The following SUPT3H variants were observed in gnomAD, a reference collection of about 807,000 sequenced individuals.
SUPT3H encodes transcription initiation protein SPT3 homolog.
Under a neutral mutation model 44.3 loss-of-function variants are expected in SUPT3H, and 44 were observed. The observed-to-expected ratio is 0.99, with a 90% CI of 0.78 to 1.28. The LOEUF is 1.28. Among genes scored for constraint, SUPT3H ranks in the 50% most tolerant of loss-of-function variants. SUPT3H has a pLI of 0.00. For synonymous variants in SUPT3H, 124 were observed against 125.6 expected, an observed-to-expected ratio of 0.99 and a Z score of 0.09; for missense variants, 380 against 387.1, an observed-to-expected ratio of 0.98 and a Z score of 0.15.
intron 2 of SUPT3H, among the ~76,000 whole-genome samples, chr6:45,175,618 T>C (rs926382314): frequency 6.6e-6 from 1 of 152,146 alleles, no homozygotes; most frequent in African/African-American, 2.4e-5. Flanking sequence ...GCAGCAGTAC[T>C]CATGAGTTTA....
chr6:45,079,170 C>A (rs547956570), intron 3 of SUPT3H, among the ~76,000 whole-genome samples: 1 of 151,952 alleles, frequency 6.6e-6, no homozygotes, highest in South Asian at 2.1e-4. Context: ...ATTAGCCAGG[C>A]GTGGCAGCAC....
intron 9 of SUPT3H, among the ~76,000 whole-genome samples, chr6:44,941,724 TACA>T (rs1772470827): frequency 1.3e-5 from 2 of 152,324 alleles, no homozygotes; most frequent in African/African-American, 4.8e-5. Flanking sequence ...TGTCCAAGGC[TACA>T]ACAATAGTAT....
chr6:45,147,024 T>G (rs1806189105), intron 2 of SUPT3H, among the ~76,000 whole-genome samples: 1 of 152,122 alleles, frequency 6.6e-6, no homozygotes, highest in African/African-American at 2.4e-5. Context: ...TCTAGACACT[T>G]TACCAGTAAC....
At chr6:45,362,250 T>A (rs1794388415) in intron 2 of SUPT3H, among the ~76,000 whole-genome samples, 1 of 152,164 alleles carries the variant, frequency 6.6e-6, no homozygotes. Context: ...AGTGAAACCA[T>A]TCCCCAGAAA....
intron 2 of SUPT3H, among the ~76,000 whole-genome samples, chr6:45,267,462 A>T (rs919874202): frequency 6.6e-6 from 1 of 152,242 alleles, no homozygotes; most frequent in South Asian, 2.1e-4. Flanking sequence ...AATGATCCCA[A>T]TGTTGTCTGC....
Position 45,226,468 on chromosome 6 carries a change from C to T in SUPT3H, c.102-120462G>A, listed in dbSNP as rs185791950. 5.5e-4 allele frequency among the ~76,000 whole-genome samples: 84 copies of T among 152,094 alleles called. 1 individual carries two copies. The highest frequency in any genetic ancestry group is 2.0e-3 in the African/African-American group (82 of 41,484). ...ATTAAATTGTCATGCTTTGGGAGGC[C>T]GAGGTGGGAGGACTGCTTGAGGCCA... is the stretch of plus-strand genomic sequence containing the variant. On this transcript the variant is annotated intron_variant, in intron 2 of 10. Coordinates refer to ENST00000371459, the MANE Select transcript of SUPT3H (RefSeq NM_003599.4).
intron 3 of SUPT3H, among the ~76,000 whole-genome samples, chr6:45,084,280 T>TA (rs1240704012): frequency 6.6e-6 from 1 of 151,986 alleles, no homozygotes; most frequent in African/African-American, 2.4e-5. Context: ...ATAAGGAACT[T>TA]AAACAATCCA....
intron 10 of SUPT3H, among the ~76,000 whole-genome samples, chr6:44,920,437 G>A (rs1284900214): frequency 6.6e-6 from 1 of 151,872 alleles, no homozygotes; most frequent in East Asian, 1.9e-4. Flanking sequence ...AGCCAGGCAT[G>A]GTGGTGCATA....
chr6:45,041,889 ATTATGGGC>A (rs1788589001), intron 3 of SUPT3H, among the ~76,000 whole-genome samples: 2 of 152,284 alleles, frequency 1.3e-5, no homozygotes, highest in African/African-American at 4.8e-5. Context: ...TTATGAGATG[ATTATGGGC>A]TTATCCTACA....
At chr6:45,121,908 C>A (rs751646475) in intron 2 of SUPT3H, among the ~76,000 whole-genome samples, 2 of 151,940 alleles carry the variant, frequency 1.3e-5, no homozygotes, top group Non-Finnish European at 2.9e-5. Context: ...AAACTCCTGA[C>A]CTCATGATCC....
At chr6:45,188,772 C>T (rs955747416) in intron 2 of SUPT3H, among the ~76,000 whole-genome samples, 1 of 152,000 alleles carries the variant, frequency 6.6e-6, no homozygotes, top group African/African-American at 2.4e-5. Context: ...TGCTGGTTCT[C>T]ACCTCTACTG....
intron 2 of SUPT3H, among the ~76,000 whole-genome samples, chr6:45,331,908 T>C (rs1263899638): frequency 3.9e-5 from 6 of 152,036 alleles, no homozygotes; most frequent in Non-Finnish European, 5.9e-5. Context: ...TTCGGTAAGA[T>C]AGAAATGTTC....
intron 2 of SUPT3H, among the ~76,000 whole-genome samples, chr6:45,361,116 G>T (rs1794178419): frequency 6.6e-6 from 1 of 151,860 alleles, no homozygotes; most frequent in African/African-American, 2.4e-5. Context: ...AAATACAAAG[G>T]TAATTTTTTA....
intron 3 of SUPT3H, among the ~76,000 whole-genome samples, chr6:45,068,249 T>C (rs1311546127): frequency 2.2e-5 from 3 of 138,986 alleles, no homozygotes; most frequent in Non-Finnish European, 4.6e-5. Context: ...CACTCATAGG[T>C]GGGAATTGAA....
At chr6:45,017,112 T>C (rs1004857572) in intron 4 of SUPT3H, among the ~76,000 whole-genome samples, 1 of 152,154 alleles carries the variant, frequency 6.6e-6, no homozygotes, top group Non-Finnish European at 1.5e-5. Context: ...GAACATTTTT[T>C]TCATGTGTCT....
intron 2 of SUPT3H, among the ~76,000 whole-genome samples, chr6:45,219,336 C>T (rs942115219): frequency 6.6e-5 from 10 of 151,632 alleles, no homozygotes; most frequent in East Asian, 1.9e-4. Flanking sequence ...GATAAACCTA[C>T]AGGAAGAATA....
rs1211835312 is a variant in SUPT3H, at chr6:44,926,538, T to A, written c.912+6115A>T. On this transcript the variant is annotated intron_variant, in intron 10 of 10. Transcript: ENST00000371459. ...ATTCATACAAATAAATCTAATGCCC[T>A]ACAAAAAATGGCAAAGACATAATTC... Among the ~76,000 whole-genome samples the A allele has an allele frequency of 3.3e-5, 5 of 152,070 alleles. No individual in the cohort carries two copies. In the East Asian group the frequency reaches 9.6e-4, roughly 29 times the overall value.
chr6:45,151,210 A>G (rs1806921588), intron 2 of SUPT3H, among the ~76,000 whole-genome samples: 1 of 152,170 alleles, frequency 6.6e-6, no homozygotes, highest in South Asian at 2.1e-4. Context: ...AGTAAACTAA[A>G]TGAGTTCAAA....
intron 10 of SUPT3H, 102 bp from the exon 11 acceptor site, chr6:44,829,959 C>T: frequency 2.0e-6 from 2 of 1,021,068 alleles, no homozygotes; most frequent in Non-Finnish European, 3.1e-6. Context: ...GTAGACTCTG[C>T]TGGCTACAAT....
Sources: gnomAD v4.1 joint callset for allele counts (sites outside exome capture counted in the v4.1 genomes callset) on GRCh38, gnomAD v4.1.1 for gene constraint, MANE v1.5 for transcripts, NCBI Gene and HGNC (gene_info 2026-07-23, HGNC 2026-07-21) for gene names.